Variants in SPTBN4 observed in about 807,000 individuals in gnomAD.
SPTBN4 encodes the protein spectrin beta, non-erythrocytic 4.
In SPTBN4, 96 loss-of-function variants were observed where a neutral mutation model predicts 277.8. The ratio of observed to expected loss-of-function variants is 0.35; its 90% CI spans 0.29 to 0.41. The LOEUF (loss-of-function observed/expected upper bound fraction) is 0.41, where lower values mean the gene tolerates loss of function less well. Among genes scored for constraint, SPTBN4 ranks in the 10% least tolerant of loss-of-function variants. The pLI is 1.00. For synonymous variants in SPTBN4, 1,481 were observed against 1,580.3 expected, an observed-to-expected ratio of 0.94 and a Z score of 1.49; for missense variants, 3,006 against 3,595.7, an observed-to-expected ratio of 0.84 and a Z score of 4.19.
chr19:40,514,078 T>C (rs1297003013), intron 14 of SPTBN4, among the ~76,000 whole-genome samples: 1 of 152,248 alleles, frequency 6.6e-6, no homozygotes, highest in African/African-American at 2.4e-5. Context: ...TATTGTATAC[T>C]GACTTGTCTG....
chr19:40,558,754 C>T (rs898100433), intron 26 of SPTBN4, among the ~76,000 whole-genome samples: 16 of 151,596 alleles, frequency 1.1e-4, no homozygotes, highest in Non-Finnish European at 1.8e-4. Flanking sequence ...ATTACATGCA[C>T]GCGCCACCAC....
At chr19:40,575,304 T>C in intron 35 of SPTBN4, 107 bp from the exon 36 acceptor site, 1 of 1,309,940 alleles carries the variant, frequency 7.6e-7, no homozygotes, top group South Asian at 1.5e-5. Context: ...CCCTTTTTAA[T>C]AGATGAGAAA....
rs370453037 is a variant in SPTBN4, at chr19:40,490,274, G to A, written c.495+26G>A. The A allele has an allele frequency of 1.7e-5, 28 of 1,604,832 alleles. No individual in the cohort carries two copies. The African/African-American group carries it at 2.9e-4, about 17-fold the overall frequency. Reference sequence around the variant, plus strand: ...GTGACCCTCGAGTGGCCCCTGCCAAGCCCCGCAACATGGGACTTAGGAAAG... The same window carrying A: ...GTGACCCTCGAGTGGCCCCTGCCAAACCCCGCAACATGGGACTTAGGAAAG... On this transcript the variant is annotated intron_variant, in intron 4 of 35. Coordinates refer to ENST00000598249, the MANE Select transcript of SPTBN4 (RefSeq NM_020971.3). This position sits in a 1 kb window ranked among gnomAD's most constrained non-coding sequence, Gnocchi z 4.3.
rs770624766 is a variant in SPTBN4 at position 40,513,219 on chromosome 19, C to T, written c.2430C>T (p.Arg810=). 1 of 1,505,056 alleles carries T rather than the reference C, an allele frequency of 6.6e-7. No individual in the cohort carries two copies. The allele number at this position is 1,505,056 out of a possible 1,614,324, so 93.2% of individuals were successfully genotyped here. A position where few individuals can be genotyped will look rare whatever the true frequency, so the allele number is the denominator to read the frequency against. The change falls in exon 14 of 36, where the codon CGC becomes CGT. Residue 810 remains arginine, a synonymous_variant. Coordinates refer to ENST00000598249, the MANE Select transcript of SPTBN4 (RefSeq NM_020971.3). ...GCCACGACGAAGCTTCCAGCCGCCG[C>T]CTGGCGCGCCAGCACCGCGCGCTCA... is the stretch of plus-strand genomic sequence containing the variant. ...DFGHDEASSR[R]LARQHRALTG... is the part of the protein sequence containing the mutation.
chr19:40,567,186 CAG>C (rs1339823380), intron 30 of SPTBN4: 13 of 453,526 alleles, frequency 2.9e-5, no homozygotes, highest in Non-Finnish European at 5.3e-5. Flanking sequence ...CCCAGCTACT[CAG>C]AGGGGTGACT....
chr19:40,540,647 G>T (rs2080789381), intron 20 of SPTBN4, among the ~76,000 whole-genome samples: 1 of 151,656 alleles, frequency 6.6e-6, no homozygotes, highest in Admixed American at 6.6e-5. Flanking sequence ...TTGAGCCCAG[G>T]TGTTCCAGAC....
intron 22 of SPTBN4, among the ~76,000 whole-genome samples, chr19:40,552,323 C>T (rs931886200): frequency 2.2e-4 from 33 of 150,312 alleles, no homozygotes; most frequent in African/African-American, 6.4e-4. Context: ...GGCGAGGTGT[C>T]GGGCGCCTGT....
chr19:40,509,478 C>A (rs1296324782), intron 13 of SPTBN4, among the ~76,000 whole-genome samples: 1 of 152,172 alleles, frequency 6.6e-6, no homozygotes, highest in African/African-American at 2.4e-5. Context: ...CTCTTGACCT[C>A]AGGTGATCTG....
chr19:40,574,224 C>T (rs1179821097), intron 35 of SPTBN4, among the ~76,000 whole-genome samples: 1 of 152,162 alleles, frequency 6.6e-6, no homozygotes, highest in Non-Finnish European at 1.5e-5. Flanking sequence ...GAGCGCATGG[C>T]TGGGCCACAC....
chr19:40,529,182 G>A (rs1163973312), intron 18 of SPTBN4, 51 bp downstream of exon 18: 1 of 1,549,308 alleles, frequency 6.5e-7, no homozygotes, highest in Non-Finnish European at 8.9e-7. Context: ...TAGTCGGGAG[G>A]GAAGTGCTTC....
Position 40,501,857 on chromosome 19 carries a change from A to C in SPTBN4, c.785-64A>C, listed in dbSNP as rs573311274. 4 of 1,405,204 alleles carry C rather than the reference A, an allele frequency of 2.8e-6. No homozygotes were observed. In the Admixed American group the frequency reaches 5.1e-5, roughly 18 times the overall value. 87.0% of individuals were successfully genotyped at this position (1,405,204 alleles called of 1,614,324 possible). On this transcript the variant is annotated intron_variant, in intron 7 of 35. Coordinates refer to ENST00000598249, the MANE Select transcript of SPTBN4 (RefSeq NM_020971.3). Reference sequence around the variant, plus strand: ...GAGTGGCTTCTCCATCCCTCCATCCAATACCTTCAAGCACTCTGTCAAAGT... The same window carrying C: ...GAGTGGCTTCTCCATCCCTCCATCCCATACCTTCAAGCACTCTGTCAAAGT...
intron 16 of SPTBN4, among the ~76,000 whole-genome samples, chr19:40,521,341 G>C (rs1220960468): frequency 5.3e-5 from 8 of 152,090 alleles, no homozygotes. Flanking sequence ...TTTATTGTGT[G>C]CTTTATTTCT....
intron 30 of SPTBN4, 133 bp from the exon 31 acceptor site, chr19:40,567,529 TG>T: frequency 1.2e-6 from 1 of 865,000 alleles, no homozygotes; most frequent in Non-Finnish European, 1.7e-6. Context: ...CGCACAGGCC[TG>T]GACACCTTGC....
intron 31 of SPTBN4, 114 bp downstream of exon 31, chr19:40,568,396 A>G (rs2081118700): frequency 7.2e-7 from 1 of 1,387,174 alleles, no homozygotes; most frequent in Non-Finnish European, 9.5e-7. Context: ...AAAGAAGGAG[A>G]TATCGCCGCG....
intron 17 of SPTBN4, among the ~76,000 whole-genome samples, chr19:40,528,817 C>T (rs62107056): frequency 0.13 from 20,493 of 151,840 alleles, 1,612 homozygotes; most frequent in Non-Finnish European, 0.18. Context: ...TTTCTAAGTG[C>T]CTGTCTCTGC....
chr19:40,566,987 C>CA (rs201200184), intron 30 of SPTBN4: 3,372 of 244,956 alleles, frequency 0.014, 29 homozygotes, highest in South Asian at 0.019. Flanking sequence ...AAAAAAACAA[C>CA]AAAAAAAAAC....
intron 20 of SPTBN4, among the ~76,000 whole-genome samples, chr19:40,542,349 C>T (rs1251948793): frequency 6.6e-6 from 1 of 152,142 alleles, no homozygotes; most frequent in Non-Finnish European, 1.5e-5. Context: ...ACCCCACCTC[C>T]CAGGTCCTGG....
chr19:40,478,826 C>T lies in SPTBN4; in HGVS notation c.169+6036C>T, dbSNP rs147408500. On this transcript the variant is annotated intron_variant, in intron 2 of 35. Coordinates refer to ENST00000598249, the MANE Select transcript of SPTBN4 (RefSeq NM_020971.3). ...CCTCTCAAAGTGCTGGGATTACAGG[C>T]GTGAGCCACGCCCGGCCTGTATGAC... 5.3e-3 allele frequency among the ~76,000 whole-genome samples: 809 copies of T among 152,286 alleles called. 6 individuals carry two copies. Among genetic ancestry groups the T allele is most frequent in the African/African-American group, 0.017 (697 of 41,550 alleles).
Position 40,572,343 on chromosome 19 carries a change from A to G in SPTBN4, c.7499A>G (p.Gln2500Arg), listed in dbSNP as rs1037789576. 1.2e-6 allele frequency: 2 copies of G among 1,614,194 alleles called. No individual in the cohort carries two copies. The highest frequency in any genetic ancestry group is 8.5e-7 in the Non-Finnish European group (1 of 1,180,022). Residue 2500 changes from glutamine (Q) to arginine (R), a missense_variant, in exon 35 of 36, where the codon CAG becomes CGG. This residue lies in a region of SPTBN4 where 630 missense variants were observed against 677.6 expected (regional missense o/e 0.93). Coordinates refer to ENST00000598249, the MANE Select transcript of SPTBN4 (RefSeq NM_020971.3). ...TCCTGTGTCCCTTCCTGCAGGACCC[A>G]GGATGGCAGTGAGTTTTTGCTCCAG... is the stretch of plus-strand genomic sequence containing the variant. ...KKKHVFKLQTQDGSEFLLQAK... is the reference protein window; with the variant it reads ...KKKHVFKLQTRDGSEFLLQAK...
Sources: gnomAD v4.1 joint callset for allele counts (sites outside exome capture counted in the v4.1 genomes callset) on GRCh38, gnomAD v4.1.1 for gene constraint, gnomAD v4.1.1 regional missense constraint, Gnocchi (gnomAD v3.1) non-coding constraint, MANE v1.5 for transcripts, NCBI Gene and HGNC (gene_info 2026-07-23, HGNC 2026-07-21) for gene names.